TOX3: variants seen among roughly 807,000 people sequenced by gnomAD.
The protein encoded by TOX3 is CAG trinucleotide repeat-containing gene F9 protein.
Under a neutral mutation model 64.3 loss-of-function variants are expected in TOX3, and 22 were observed. The observed-to-expected ratio is 0.34, with a 90% confidence interval of 0.24 to 0.49. The LOEUF is 0.49. Among genes scored for constraint, TOX3 ranks in the 20% least tolerant of loss-of-function variants. TOX3 has a pLI of 0.99. For missense variants in TOX3, 661 were observed against 714.4 expected, an observed-to-expected ratio of 0.93 and a Z score of 0.85; for synonymous variants, 291 against 273.6, an observed-to-expected ratio of 1.06 and a Z score of -0.63.
At chr16:52,497,866 G>T (rs563433464) in intron 1 of TOX3, among the ~76,000 whole-genome samples, 2 of 151,914 alleles carry the variant, frequency 1.3e-5, no homozygotes, top group African/African-American at 4.8e-5. Context: ...TTTTTCACCC[G>T]CAAAGATATA....
intron 1 of TOX3, among the ~76,000 whole-genome samples, chr16:52,518,563 T>G (rs909620617): frequency 6.6e-6 from 1 of 152,198 alleles, no homozygotes; most frequent in Non-Finnish European, 1.5e-5. Context: ...TTCTCTATAT[T>G]GTTGCTAATG....
chr16:52,448,778 A>T (rs184396965), intron 4 of TOX3, among the ~76,000 whole-genome samples: 1 of 152,010 alleles, frequency 6.6e-6, no homozygotes, highest in Admixed American at 6.6e-5. Context: ...TTACTTTCAC[A>T]TCTTCTCATC....
At chr16:52,536,958 A>T (rs1056457959) in intron 1 of TOX3, among the ~76,000 whole-genome samples, 3 of 151,746 alleles carry the variant, frequency 2.0e-5, no homozygotes, top group Admixed American at 6.6e-5. Flanking sequence ...CTATTATCAC[A>T]AAGAAATAGT....
chr16:52,519,251 T>C (rs1962534655), intron 1 of TOX3, among the ~76,000 whole-genome samples: 1 of 151,472 alleles, frequency 6.6e-6, no homozygotes, highest in South Asian at 2.1e-4. Flanking sequence ...GCATGTTATA[T>C]TTGAATCTAC....
At chr16:52,459,074 G>A (rs905875781) in intron 3 of TOX3, among the ~76,000 whole-genome samples, 1 of 152,134 alleles carries the variant, frequency 6.6e-6, no homozygotes, top group Non-Finnish European at 1.5e-5. Flanking sequence ...AGCACTTTGG[G>A]AGGCCAAGAC....
At chr16:52,451,024 C>T (rs1029503217) in intron 3 of TOX3, among the ~76,000 whole-genome samples, 7 of 152,278 alleles carry the variant, frequency 4.6e-5, no homozygotes, top group Non-Finnish European at 5.9e-5. Context: ...TGAGAGAAGG[C>T]GAAGCCATTC....
intron 3 of TOX3, among the ~76,000 whole-genome samples, chr16:52,453,817 C>T (rs1208881990): frequency 6.6e-6 from 1 of 152,174 alleles, no homozygotes; most frequent in African/African-American, 2.4e-5. Context: ...TCCTGAATTC[C>T]ATCTGCAATT....
chr16:52,533,484 A>G (rs1417118508), intron 1 of TOX3, among the ~76,000 whole-genome samples: 3 of 152,158 alleles, frequency 2.0e-5, no homozygotes, highest in African/African-American at 7.2e-5. Flanking sequence ...ACACCTCCCT[A>G]ACACTTGCAA....
At chr16:52,519,451 C>T in intron 1 of TOX3, 1 of 1,551,568 alleles carries the variant, frequency 6.4e-7, no homozygotes, top group Non-Finnish European at 8.7e-7. Flanking sequence ...CCTCAATGCG[C>T]CTGGCTCCCG....
At chr16:52,446,357 G>A (rs1269772855) in intron 4 of TOX3, 136 bp from the exon 5 acceptor site, 2 of 897,132 alleles carry the variant, frequency 2.2e-6, no homozygotes, top group East Asian at 2.6e-5. Context: ...AAAAGCGGGG[G>A]AGGGGTAAAC....
intron 6 of TOX3, among the ~76,000 whole-genome samples, chr16:52,442,714 T>C (rs1960036431): frequency 6.6e-6 from 1 of 152,220 alleles, no homozygotes; most frequent in African/African-American, 2.4e-5. Context: ...AACTTATACC[T>C]AAAGGACTAT....
At chr16:52,462,794 A>G (rs1466271001) in intron 3 of TOX3, among the ~76,000 whole-genome samples, 1 of 152,058 alleles carries the variant, frequency 6.6e-6, no homozygotes. Context: ...AACGTTTATG[A>G]ATACTTAATG....
intron 1 of TOX3, among the ~76,000 whole-genome samples, chr16:52,471,222 A>G (rs1481706088): frequency 2.6e-5 from 4 of 152,194 alleles, no homozygotes; most frequent in African/African-American, 7.2e-5. Flanking sequence ...TTTATTTGGT[A>G]AATCTGGCTA....
At chr16:52,467,056 T>C (rs1016992632) in intron 2 of TOX3, among the ~76,000 whole-genome samples, 1 of 152,226 alleles carries the variant, frequency 6.6e-6, no homozygotes, top group African/African-American at 2.4e-5. Context: ...CATGTTAAAG[T>C]AGTATGTACA....
At chr16:52,472,433 T>C (rs963068100) in intron 1 of TOX3, among the ~76,000 whole-genome samples, 13 of 152,222 alleles carry the variant, frequency 8.5e-5, no homozygotes, top group Admixed American at 1.3e-4. Flanking sequence ...TTTCCCTGAA[T>C]CTTTCTTAGG....
At chr16:52,489,641 T>C (rs999040534) in intron 1 of TOX3, among the ~76,000 whole-genome samples, 1 of 152,020 alleles carries the variant, frequency 6.6e-6, no homozygotes, top group African/African-American at 2.4e-5. Context: ...CCACGAACAC[T>C]CTCCAGTTTG....
intron 1 of TOX3, among the ~76,000 whole-genome samples, chr16:52,491,605 T>C (rs899714446): frequency 6.6e-6 from 1 of 152,176 alleles, no homozygotes; most frequent in Non-Finnish European, 1.5e-5. Context: ...CTTTGGGTAA[T>C]TATTGGACTG....
At chr16:52,501,957 G>A (rs1359548912) in intron 1 of TOX3, among the ~76,000 whole-genome samples, 3 of 152,194 alleles carry the variant, frequency 2.0e-5, no homozygotes, top group Non-Finnish European at 4.4e-5. Context: ...TAGAGAAGGA[G>A]GGTAACACAG....
At chr16:52,543,428 T>C (rs1963115530) in intron 1 of TOX3, among the ~76,000 whole-genome samples, 1 of 152,224 alleles carries the variant, frequency 6.6e-6, no homozygotes, top group South Asian at 2.1e-4. Context: ...CTAAATTATA[T>C]TTGCTAATTG....
Sources: allele counts gnomAD v4.1 joint callset (sites outside exome capture counted in the v4.1 genomes callset), GRCh38; gene constraint gnomAD v4.1.1; transcripts MANE v1.5; gene names NCBI Gene and HGNC (gene_info 2026-07-23, HGNC 2026-07-21).